MACROD2: variants seen among roughly 807,000 people sequenced by gnomAD.
MACROD2 encodes the protein mono-ADP ribosylhydrolase 2, also known as ADP-ribose glycohydrolase MACROD2.
MACROD2 carries 36 observed loss-of-function variants against 70.4 expected under a neutral mutation model. That is an observed-to-expected ratio of 0.51 (90% CI 0.39 to 0.68). The LOEUF (loss-of-function observed/expected upper bound fraction) is 0.68. MACROD2 is among the 30% of genes least tolerant of loss of function. MACROD2 has a pLI of 0.00. For missense variants in MACROD2, 496 were observed against 538.4 expected, an observed-to-expected ratio of 0.92 and a Z score of 0.78; for synonymous variants, 172 against 178.8, an observed-to-expected ratio of 0.96 and a Z score of 0.30.
At chr20:15,963,608 C>T (rs1476460610) in intron 12 of MACROD2, among the ~76,000 whole-genome samples, 6 of 152,010 alleles carry the variant, frequency 3.9e-5, no homozygotes, top group African/African-American at 1.4e-4. Context: ...GAATCAAGCT[C>T]AGTAGCTAAT....
chr20:14,019,668 G>A (rs2053045097), intron 2 of MACROD2, among the ~76,000 whole-genome samples: 1 of 152,068 alleles, frequency 6.6e-6, no homozygotes. Flanking sequence ...GTGGAAAATG[G>A]TCCTCATGTG....
chr20:15,190,984 C>T (rs2076566747), intron 5 of MACROD2, among the ~76,000 whole-genome samples: 1 of 152,178 alleles, frequency 6.6e-6, no homozygotes, highest in African/African-American at 2.4e-5. Context: ...CTGACTAACC[C>T]TGATAGAGGC....
intron 5 of MACROD2, among the ~76,000 whole-genome samples, chr20:14,943,425 T>G (rs2074406239): frequency 6.6e-6 from 1 of 152,164 alleles, no homozygotes; most frequent in African/African-American, 2.4e-5. Context: ...AAAGCAAGGC[T>G]TTTTAATTTT....
intron 5 of MACROD2, among the ~76,000 whole-genome samples, chr20:14,742,281 T>G (rs2087354214): frequency 6.6e-6 from 1 of 152,114 alleles, no homozygotes; most frequent in East Asian, 1.9e-4. Flanking sequence ...AGGAGACAAT[T>G]TCTGAAAATG....
chr20:15,646,106 C>T (rs2049537035), intron 8 of MACROD2, among the ~76,000 whole-genome samples: 1 of 152,166 alleles, frequency 6.6e-6, no homozygotes, highest in African/African-American at 2.4e-5. Flanking sequence ...TGGACTGTCT[C>T]ACTGTTCTGA....
In MACROD2 at chr20:15,311,608, G is replaced by A. The variant is rs113838908; in HGVS notation, c.540+81547G>A. 2.6e-3 allele frequency among the ~76,000 whole-genome samples: 389 copies of A among 152,276 alleles called. 4 individuals are homozygous for A. Among genetic ancestry groups the A allele is most frequent in the African/African-American group, 8.8e-3 (365 of 41,546 alleles). ...CCATAGAATACTATGGAGCCACAAA[G>A]GAGAACAAAATCATGTCTCTTGCAG... On this transcript the variant is annotated intron_variant, in intron 6 of 17. Coordinates refer to ENST00000684519, the MANE Select transcript of MACROD2 (RefSeq NM_001351661.2).
At chr20:15,674,179 A>T (rs894647911) in intron 8 of MACROD2, among the ~76,000 whole-genome samples, 1 of 152,212 alleles carries the variant, frequency 6.6e-6, no homozygotes, top group Non-Finnish European at 1.5e-5. Context: ...ATCAAAGTAA[A>T]AAAGTTAATT....
chr20:15,903,596 A>G (rs541255049), intron 10 of MACROD2, among the ~76,000 whole-genome samples: 1 of 152,252 alleles, frequency 6.6e-6, no homozygotes, highest in Non-Finnish European at 1.5e-5. Context: ...TGGGGCTGAG[A>G]ATCTTCACGT....
chr20:15,240,721 G>T (rs756907787), intron 6 of MACROD2, among the ~76,000 whole-genome samples: 8 of 152,182 alleles, frequency 5.3e-5, no homozygotes, highest in Non-Finnish European at 8.8e-5. Context: ...GGTATATAGA[G>T]ATGGGACCTT....
chr20:14,441,533 G>A (rs1022029567), intron 3 of MACROD2, among the ~76,000 whole-genome samples: 6 of 152,214 alleles, frequency 3.9e-5, no homozygotes, highest in Non-Finnish European at 8.8e-5. Context: ...GAAGTCATCT[G>A]TAGTGACCGT....
At chr20:14,798,566 T>C (rs1272263918) in intron 5 of MACROD2, among the ~76,000 whole-genome samples, 5 of 152,138 alleles carry the variant, frequency 3.3e-5, no homozygotes, top group African/African-American at 1.2e-4. Context: ...TTAATGGTTG[T>C]GTAGCTGCTA....
intron 5 of MACROD2, among the ~76,000 whole-genome samples, chr20:14,981,888 G>A (rs80069683): frequency 0.016 from 2,437 of 152,234 alleles, 75 homozygotes; most frequent in Middle Eastern, 0.051. Flanking sequence ...TGAAAATTTG[G>A]AAGTGACTTT....
chr20:14,523,944 G>C (rs562816622), intron 4 of MACROD2, among the ~76,000 whole-genome samples: 29 of 152,288 alleles, frequency 1.9e-4, no homozygotes, highest in African/African-American at 6.5e-4. Flanking sequence ...CTAGTTATGA[G>C]AGGTGATCCG....
intron 6 of MACROD2, among the ~76,000 whole-genome samples, chr20:15,282,299 A>C (rs943679279): frequency 5.9e-5 from 9 of 152,200 alleles, no homozygotes; most frequent in Non-Finnish European, 1.2e-4. Flanking sequence ...TTCTGCAGCC[A>C]ACTTGAATTT....
intron 5 of MACROD2, among the ~76,000 whole-genome samples, chr20:14,818,768 A>C: frequency 6.6e-6 from 1 of 150,804 alleles, no homozygotes; most frequent in East Asian, 1.9e-4. Context: ...ATGGAAGCAT[A>C]ATAATTTTTC....
chr20:15,389,206 G>A (rs2045759561), intron 6 of MACROD2, among the ~76,000 whole-genome samples: 1 of 152,076 alleles, frequency 6.6e-6, no homozygotes, highest in Non-Finnish European at 1.5e-5. Context: ...AAATAAGAGG[G>A]TACCCAGTTA....
intron 3 of MACROD2, among the ~76,000 whole-genome samples, chr20:14,405,616 G>A (rs1290166278): frequency 1.3e-5 from 2 of 152,132 alleles, no homozygotes; most frequent in East Asian, 1.9e-4. Context: ...ATTATTTTAT[G>A]TAAGATTCTT....
At chr20:14,717,139 G>A (rs1031470424) in intron 5 of MACROD2, among the ~76,000 whole-genome samples, 2 of 151,956 alleles carry the variant, frequency 1.3e-5, no homozygotes, top group African/African-American at 4.8e-5. Context: ...TGAGATCTTC[G>A]AGTTTTTAAC....
intron 8 of MACROD2, among the ~76,000 whole-genome samples, chr20:15,738,817 C>A (rs754137013): frequency 1.3e-5 from 2 of 151,990 alleles, no homozygotes; most frequent in Admixed American, 6.6e-5. Context: ...GTTCCTAGTA[C>A]TGAAGTTTGA....
Sources: allele counts gnomAD v4.1 joint callset (sites outside exome capture counted in the v4.1 genomes callset), GRCh38; gene constraint gnomAD v4.1.1; transcripts MANE v1.5; gene names NCBI Gene and HGNC (gene_info 2026-07-23, HGNC 2026-07-21).